The following MLLT10 variants were observed in gnomAD, a reference collection of about 807,000 sequenced individuals.
The protein encoded by MLLT10 is MLLT10 histone lysine methyltransferase DOT1L cofactor.
MLLT10 carries 30 observed loss-of-function variants against 129.1 expected under a neutral mutation model. The ratio of observed to expected loss-of-function variants is 0.23; its 90% CI spans 0.17 to 0.32. The LOEUF is 0.32. MLLT10 is among the 10% of genes least tolerant of loss of function. The pLI is 1.00. For missense variants in MLLT10, 1,119 were observed against 1,268.3 expected (o/e 0.88, Z 1.79); for synonymous variants, 490 against 446.4 (o/e 1.10, Z -1.23).
intron 11 of MLLT10, among the ~76,000 whole-genome samples, chr10:21,676,724 A>C (rs2052190082): frequency 2.0e-5 from 2 of 100,632 alleles, no homozygotes; most frequent in Non-Finnish European, 3.7e-5. Flanking sequence ...CCATCTCAAA[A>C]AAAAAAAAAA....
intron 3 of MLLT10, among the ~76,000 whole-genome samples, chr10:21,575,251 G>T (rs2040612541): frequency 6.6e-6 from 1 of 151,936 alleles, no homozygotes; most frequent in Non-Finnish European, 1.5e-5. Flanking sequence ...GAGTGCAGTG[G>T]TGCGATCTTG....
At chr10:21,622,566 A>G (rs1401758170) in intron 8 of MLLT10, among the ~76,000 whole-genome samples, 2 of 152,222 alleles carry the variant, frequency 1.3e-5, no homozygotes, top group Non-Finnish European at 2.9e-5. Context: ...TCAGGATTAA[A>G]TTCAGTCACT....
chr10:21,737,412 C>T (rs1004620121), intron 21 of MLLT10, among the ~76,000 whole-genome samples: 5 of 151,938 alleles, frequency 3.3e-5, no homozygotes, highest in South Asian at 2.1e-4. Context: ...AATGTGACAG[C>T]GTGTGTGTAT....
At chr10:21,720,133 T>G (rs899201242) in intron 14 of MLLT10, among the ~76,000 whole-genome samples, 9 of 152,200 alleles carry the variant, frequency 5.9e-5, no homozygotes, top group Non-Finnish European at 1.3e-4. Context: ...GAGTGTTCAG[T>G]GATGGTTTAA....
intron 7 of MLLT10, among the ~76,000 whole-genome samples, chr10:21,616,582 A>AT (rs1045649528): frequency 1.3e-5 from 2 of 151,970 alleles, no homozygotes; most frequent in Non-Finnish European, 2.9e-5. Flanking sequence ...ATTTCCTTTA[A>AT]TTTTTTAATT....
At chr10:21,707,427 G>A (rs1448749501) in intron 13 of MLLT10, among the ~76,000 whole-genome samples, 2 of 151,920 alleles carry the variant, frequency 1.3e-5, no homozygotes, top group African/African-American at 2.4e-5. Flanking sequence ...TCCTGACCTC[G>A]TGATCCGCCC....
intron 2 of MLLT10, among the ~76,000 whole-genome samples, chr10:21,538,562 C>T (rs982445936): frequency 2.0e-5 from 3 of 152,094 alleles, no homozygotes; most frequent in African/African-American, 7.2e-5. Context: ...CCAACTCGAC[C>T]TCCCAAAATG....
intron 5 of MLLT10, among the ~76,000 whole-genome samples, chr10:21,601,705 T>A (rs116704623): frequency 0.019 from 2,841 of 152,084 alleles, 84 homozygotes; most frequent in African/African-American, 0.064. Context: ...TTTAAAAATA[T>A]TGGTAGAATT....
upstream of MLLT10, chr10:21,534,095 C>A (rs1264738684): frequency 4.0e-6 from 1 of 248,426 alleles, no homozygotes; most frequent in South Asian, 1.7e-4. Context: ...CCCAGCACAC[C>A]TCGGCGGCGG....
At position 21,676,619 on chromosome 10, in the gene MLLT10, G is replaced by C. The variant is rs1285479359; in HGVS notation, c.1621+2700G>C. On this transcript the variant is annotated intron_variant, in intron 11 of 22. Transcript: ENST00000307729. The stretch of plus-strand genomic sequence containing the variant: ...ACCTGTAGTCCCAGCTACTAGGGAG[G>C]CTGAGGCAGGAGAATCGCTTAAACC... 3.4e-5 allele frequency among the ~76,000 whole-genome samples: 5 copies of C among 148,640 alleles called. No individual in the cohort carries two copies. The East Asian group carries it at 1.0e-3, about 30-fold the overall frequency.
At chr10:21,546,203 G>C (rs2036049746) in intron 3 of MLLT10, among the ~76,000 whole-genome samples, 1 of 151,344 alleles carries the variant, frequency 6.6e-6, no homozygotes, top group African/African-American at 2.4e-5. Context: ...TCAGCCTCCT[G>C]AATAGCTGGG....
intron 4 of MLLT10, among the ~76,000 whole-genome samples, chr10:21,594,325 G>A (rs1427169636): frequency 6.6e-6 from 1 of 151,770 alleles, no homozygotes; most frequent in Non-Finnish European, 1.5e-5. Context: ...TGAGGTGGGC[G>A]GATCACCTGA....
chr10:21,609,979 T>A (rs1175464636), intron 5 of MLLT10, among the ~76,000 whole-genome samples: 1 of 152,162 alleles, frequency 6.6e-6, no homozygotes, highest in African/African-American at 2.4e-5. Flanking sequence ...AAACAAAGTC[T>A]GTCCTCAGGC....
chr10:21,622,222 A>T (rs572940031), intron 8 of MLLT10, among the ~76,000 whole-genome samples: 2 of 135,032 alleles, frequency 1.5e-5, no homozygotes, highest in East Asian at 4.3e-4. Flanking sequence ...CAGTGGCACC[A>T]CCATAGCTCA....
At chr10:21,552,695 C>G (rs1270718350) in intron 3 of MLLT10, among the ~76,000 whole-genome samples, 3 of 152,130 alleles carry the variant, frequency 2.0e-5, no homozygotes, top group South Asian at 2.1e-4. Flanking sequence ...CCCGGCCTCT[C>G]TCATTGCTTT....
At chr10:21,557,072 A>T in intron 3 of MLLT10, 1 of 1,413,890 alleles carries the variant, frequency 7.1e-7, no homozygotes, top group Non-Finnish European at 9.2e-7. Flanking sequence ...ACTCACAAAC[A>T]TTTTTGAATC....
At chr10:21,664,864 A>G (rs1388363252) in intron 9 of MLLT10, among the ~76,000 whole-genome samples, 1 of 151,542 alleles carries the variant, frequency 6.6e-6, no homozygotes, top group South Asian at 2.1e-4. Context: ...TCTATTGATT[A>G]GCTTTAGCTT....
chr10:21,603,827 G>GT (rs35036317), intron 5 of MLLT10, among the ~76,000 whole-genome samples: 33,236 of 142,362 alleles, frequency 0.23, 4,555 homozygotes, highest in Middle Eastern at 0.48. Flanking sequence ...TTGTTTTTTT[G>GT]TTTTTTTTTT....
intron 9 of MLLT10, among the ~76,000 whole-genome samples, chr10:21,654,155 C>T (rs887347089): frequency 2.0e-5 from 3 of 152,200 alleles, no homozygotes; most frequent in African/African-American, 7.2e-5. Context: ...CTGATTGAGG[C>T]AAAAGCCTGA....
Sources: gnomAD v4.1 joint callset for allele counts (sites outside exome capture counted in the v4.1 genomes callset) on GRCh38, gnomAD v4.1.1 for gene constraint, MANE v1.5 for transcripts, NCBI Gene and HGNC (gene_info 2026-07-23, HGNC 2026-07-21) for gene names.